Variants in PROSER3 observed in about 807,000 individuals in gnomAD.
PROSER3 encodes proline and serine-rich protein 3.
A neutral mutation model predicts 50.2 loss-of-function variants in PROSER3; 33 were observed. The observed-to-expected ratio is 0.66, with a 90% CI of 0.50 to 0.88. The LOEUF is 0.88. PROSER3 is among the 40% of genes least tolerant of loss of function. The pLI is 0.00. For missense variants in PROSER3, 623 were observed against 612.7 expected (o/e 1.02, Z -0.18); for synonymous variants, 266 against 259.3 (o/e 1.03, Z -0.25).
At position 35,766,897 on chromosome 19, in the gene PROSER3, A is replaced by G. The variant is rs550616208; in HGVS notation, c.899A>G (p.Gln300Arg). The G allele has an allele frequency of 1.7e-5, 27 of 1,553,214 alleles. No homozygotes were observed. The East Asian group carries it at 6.6e-4, about 38-fold the overall frequency. The change falls in exon 8 of 11, where the codon CAG becomes CGG. Residue 300 changes from glutamine (Q) to arginine (R), a missense_variant. By Grantham distance (43) the Gln-to-Arg change is conservative. Around this residue, in one of 3 missense-constraint regions of PROSER3, gnomAD observed 380 missense variants for 346.8 expected, o/e 1.10. Coordinates refer to ENST00000396908, the Ensembl canonical transcript of PROSER3. ...CAGCGGCGGAAGCTTGAACAGGCTC[A>G]GGGAAGCAAGGGTGACAGAGCTTGG...
rs777222798 is a variant in PROSER3 at position 35,768,080 on chromosome 19, C to T, written c.1219+15C>T. On this transcript the variant is annotated intron_variant, in intron 9 of 10. Coordinates refer to ENST00000396908, the Ensembl canonical transcript of PROSER3. Reference sequence around the variant, plus strand: ...GGCTGCAGAAGGTGATGCCCGCGCCCTCCTGGATGTTGGAGGCAGGCCAGC... The same window carrying T: ...GGCTGCAGAAGGTGATGCCCGCGCCTTCCTGGATGTTGGAGGCAGGCCAGC... The T allele has an allele frequency of 6.3e-7, 1 of 1,588,474 alleles. No individual in the cohort carries two copies. The highest frequency in any genetic ancestry group is 1.1e-5 in the South Asian group (1 of 88,236).
rs1375190264 is a variant in PROSER3 at position 35,764,379 on chromosome 19, G to A, written c.544-475G>A. Among the ~76,000 whole-genome samples the A allele has an allele frequency of 2.6e-5, 4 of 152,020 alleles. No homozygotes were observed. The South Asian group carries it at 6.2e-4, about 24-fold the overall frequency. The stretch of plus-strand genomic sequence containing the variant: ...TGTCCATGAAAGGTGCTAATCCACC[G>A]GGCGCGGTGGCTCACGCCTGTAATC... On this transcript the variant is annotated intron_variant, in intron 5 of 10. Coordinates refer to ENST00000396908, the Ensembl canonical transcript of PROSER3.
chr19:35,764,513 G>A (rs956346731), intron 5 of PROSER3, among the ~76,000 whole-genome samples: 6 of 152,080 alleles, frequency 3.9e-5, no homozygotes, highest in South Asian at 2.1e-4. Flanking sequence ...AAAATTAGCC[G>A]AGCGTGGTGG....
intron 1 of PROSER3, chr19:35,758,564 A>T: frequency 3.1e-6 from 1 of 324,138 alleles, no homozygotes. Flanking sequence ...GCGGAGGCGG[A>T]GCCCAGTGGA....
At chr19:35,759,416 G>C (rs557976946) in exon 2 of PROSER3, 3 of 1,613,452 alleles carry the variant, frequency 1.9e-6, no homozygotes, top group East Asian at 2.2e-5. Context: ...TTGGAGATGC[G>C]CCCCTGGGTC....
rs1163494598 is a variant in PROSER3 at position 35,765,020 on chromosome 19, C to A, written c.627-14C>A. ...CGAGACCTCCATTGCCTCACTCCTG[C>A]CTTCTCCCTGCAGCAAAGCCTCCAT... On this transcript the variant is annotated splice_polypyrimidine_tract_variant and intron_variant, in intron 6 of 10. Transcript: ENST00000396908. The A allele has an allele frequency of 6.2e-7, 1 of 1,612,918 alleles. No homozygotes were observed. Among genetic ancestry groups the A allele is most frequent in the Non-Finnish European group, 8.5e-7 (1 of 1,179,410 alleles).
intron 8 of PROSER3, chr19:35,767,771 C>T (rs1971204317): frequency 3.8e-6 from 6 of 1,590,860 alleles, no homozygotes; most frequent in Non-Finnish European, 5.1e-6. Context: ...CAAGGTCACT[C>T]CCCCTCCATC....
rs764804907 is a variant in PROSER3, at chr19:35,768,415, C to T, written c.1313C>T (p.Ala438Val). Residue 438 changes from alanine to valine, a missense_variant, in exon 11 of 11, where the codon GCC (alanine) becomes GTC (valine). Coordinates refer to ENST00000396908, the Ensembl canonical transcript of PROSER3. Reference sequence around the variant, plus strand: ...CGGCCTTTCTCCAGGGAAGCGGATGCCCGATTATCGTTCCTGTTGGACCAG... The same window carrying T: ...CGGCCTTTCTCCAGGGAAGCGGATGTCCGATTATCGTTCCTGTTGGACCAG... 8 of 1,596,618 alleles carry T rather than the reference C, an allele frequency of 5.0e-6. No individual in the cohort carries two copies. In the African/African-American group the frequency reaches 9.4e-5, roughly 19 times the overall value.
In PROSER3 at chr19:35,768,142, C is replaced by T. The variant is rs750387873; in HGVS notation, c.1220-13C>T. The T allele has an allele frequency of 6.2e-7, 1 of 1,611,618 alleles. No homozygotes were observed. Among genetic ancestry groups the T allele is most frequent in the Admixed American group, 1.7e-5 (1 of 59,836 alleles). On this transcript the variant is annotated splice_polypyrimidine_tract_variant and intron_variant, in intron 9 of 10. Transcript: ENST00000396908. ...CCGGCCCCTTGGAGCTCATTCTTTT[C>T]TCCCCGGCCCAGACTCCGACGGCAG...
intron 8 of PROSER3, chr19:35,767,077 T>C (rs1971172483): frequency 4.8e-6 from 6 of 1,248,708 alleles, no homozygotes; most frequent in Non-Finnish European, 5.4e-6. Flanking sequence ...TACAGACCTC[T>C]CCTGCTCCAG....
At chr19:35,763,244 C>T (rs1213032415) in intron 5 of PROSER3, among the ~76,000 whole-genome samples, 4 of 151,792 alleles carry the variant, frequency 2.6e-5, no homozygotes, top group Non-Finnish European at 4.4e-5. Flanking sequence ...CTCTGTCACC[C>T]AGGCTGGGGT....
chr19:35,758,306 G>C (rs1970836878), intron 1 of PROSER3, 80 bp downstream of exon 1: 1 of 1,495,180 alleles, frequency 6.7e-7, no homozygotes, highest in Non-Finnish European at 9.0e-7. Flanking sequence ...AGGACGGGCT[G>C]GATACGGTCT....
chr19:35,765,018 TGCCTTCTCCCTGCAGCAAA>T lies in PROSER3; in HGVS notation c.627-11_634del, dbSNP rs750968211. 3.3e-5 allele frequency: 54 copies of T among 1,613,232 alleles called. 1 individual carries two copies. Among genetic ancestry groups the T allele is most frequent in the Middle Eastern group, 3.3e-4 (2 of 6,062 alleles). The stretch of plus-strand genomic sequence containing the variant: ...CTCGAGACCTCCATTGCCTCACTCC[TGCCTTCTCCCTGCAGCAAA>T]GCCTCCATCTCCTCCTCCTCCTCCC... On this transcript the variant is annotated splice_acceptor_variant and splice_polypyrimidine_tract_variant and coding_sequence_variant and intron_variant, in exon 7 of 11. Coordinates refer to ENST00000396908, the Ensembl canonical transcript of PROSER3. LOFTEE classifies it high-confidence loss of function.
intron 8 of PROSER3, chr19:35,767,430 C>T (rs970806241): frequency 3.1e-5 from 9 of 288,304 alleles, no homozygotes; most frequent in East Asian, 8.4e-5. Flanking sequence ...GCCTCCACCC[C>T]GGCTCCCCTG....
Position 35,766,599 on chromosome 19 carries a change from G to A in PROSER3, c.770-169G>A, listed in dbSNP as rs1452507968. Among the ~76,000 whole-genome samples, 8 of 152,202 alleles carry A rather than the reference G, an allele frequency of 5.3e-5. No homozygotes were observed. The East Asian group carries it at 1.5e-3, about 29-fold the overall frequency. On this transcript the variant is annotated intron_variant, in intron 7 of 10. Coordinates refer to ENST00000396908, the Ensembl canonical transcript of PROSER3. ...GAAGACCAGGAGTGCTCGCTCCCCTGACTTTGACCCCTTCCCCTCTTCCCA... is the reference window on the plus strand; with the variant it reads ...GAAGACCAGGAGTGCTCGCTCCCCTAACTTTGACCCCTTCCCCTCTTCCCA...
exon 8 of PROSER3, chr19:35,766,870 G>A (rs759372021): frequency 1.5e-5 from 23 of 1,551,686 alleles, no homozygotes; most frequent in Admixed American, 9.8e-5. Context: ...TACCAGTGGC[G>A]GCAGCGGCGG....
At chr19:35,763,284 C>T (rs1466730305) in intron 5 of PROSER3, among the ~76,000 whole-genome samples, 3 of 151,986 alleles carry the variant, frequency 2.0e-5, no homozygotes, top group East Asian at 3.9e-4. Flanking sequence ...TCACTGCAAC[C>T]TCCGCCTCTC....
At chr19:35,766,670 AC>A (rs1971150730) in intron 7 of PROSER3, 97 bp from the exon 8 acceptor site, 2 of 802,816 alleles carry the variant, frequency 2.5e-6, no homozygotes, top group Admixed American at 5.4e-5. Context: ...TGTCTGAGTA[AC>A]CCCCTGCACA....
intron 1 of PROSER3, chr19:35,758,969 G>A (rs910770765): frequency 1.2e-5 from 2 of 170,622 alleles, no homozygotes; most frequent in African/African-American, 4.8e-5. Flanking sequence ...ACCACGCCCG[G>A]CGAGCCGCGA....
Sources: allele counts gnomAD v4.1 joint callset (sites outside exome capture counted in the v4.1 genomes callset), GRCh38; gene constraint gnomAD v4.1.1; regional missense constraint gnomAD v4.1.1; transcripts MANE v1.5; gene names NCBI Gene and HGNC (gene_info 2026-07-23, HGNC 2026-07-21).